MARCHF10: variants seen among roughly 807,000 people sequenced by gnomAD.
MARCHF10 encodes membrane associated ring-CH-type finger 10, also known as probable E3 ubiquitin-protein ligase MARCHF10.
Under a neutral mutation model 76.2 loss-of-function variants are expected in MARCHF10, and 64 were observed. That is an observed-to-expected ratio of 0.84 (90% CI 0.69 to 1.03). The LOEUF is 1.03. MARCHF10 is among the 50% of genes least tolerant of loss of function. The pLI is 0.00. For synonymous variants in MARCHF10, 340 were observed against 357.5 expected, an observed-to-expected ratio of 0.95 and a Z score of 0.55; for missense variants, 875 against 958.0, an observed-to-expected ratio of 0.91 and a Z score of 1.14.
At chr17:62,707,298 C>G (rs1055997781) in intron 9 of MARCHF10, 3 of 152,846 alleles carry the variant, frequency 2.0e-5, no homozygotes, top group African/African-American at 4.8e-5. Context: ...ATTCTCTGCC[C>G]TCCCTGGCCA....
intron 2 of MARCHF10, among the ~76,000 whole-genome samples, chr17:62,798,517 G>C (rs1173986165): frequency 1.3e-5 from 2 of 151,652 alleles, no homozygotes; most frequent in South Asian, 4.2e-4. Context: ...AGGTAGTTAA[G>C]ACTGCAGAAA....
chr17:62,708,848 T>G (rs934961615), intron 9 of MARCHF10, among the ~76,000 whole-genome samples: 1 of 152,142 alleles, frequency 6.6e-6, no homozygotes, highest in Non-Finnish European at 1.5e-5. Context: ...AGGCCTGGCT[T>G]TGCATTCATA....
At chr17:62,805,826 CA>C (rs2093153924) in intron 1 of MARCHF10, among the ~76,000 whole-genome samples, 1 of 151,886 alleles carries the variant, frequency 6.6e-6, no homozygotes, top group African/African-American at 2.4e-5. Context: ...ACAGAAGAAT[CA>C]CTTGAACCTG....
intron 3 of MARCHF10, among the ~76,000 whole-genome samples, chr17:62,785,934 G>A (rs1305041717): frequency 1.3e-5 from 2 of 152,220 alleles, no homozygotes; most frequent in Non-Finnish European, 1.5e-5. Flanking sequence ...TGGTGAGAGT[G>A]TAAATTAGTT....
intron 2 of MARCHF10, among the ~76,000 whole-genome samples, chr17:62,801,396 G>A (rs1348266375): frequency 2.0e-5 from 3 of 150,458 alleles, no homozygotes; most frequent in East Asian, 2.0e-4. Context: ...CTCATGATCC[G>A]CCCGCCTCGG....
At chr17:62,769,358 G>C (rs1253001565) in intron 3 of MARCHF10, among the ~76,000 whole-genome samples, 1 of 152,104 alleles carries the variant, frequency 6.6e-6, no homozygotes, top group Non-Finnish European at 1.5e-5. Context: ...AATGTGCTTT[G>C]CCTATATTGA....
At chr17:62,794,958 A>C in intron 2 of MARCHF10, 7 of 894,224 alleles carry the variant, frequency 7.8e-6, no homozygotes, top group Non-Finnish European at 9.4e-6. Flanking sequence ...AGTTTGAGAT[A>C]GTATTCCCCT....
At chr17:62,716,201 T>C (rs1248350015) in intron 8 of MARCHF10, among the ~76,000 whole-genome samples, 3 of 152,232 alleles carry the variant, frequency 2.0e-5, no homozygotes, top group African/African-American at 4.8e-5. Context: ...GGCTTCAGTC[T>C]TCGCTGCTGG....
intron 6 of MARCHF10, among the ~76,000 whole-genome samples, chr17:62,732,957 C>T (rs1379560280): frequency 2.3e-5 from 3 of 132,554 alleles, no homozygotes; most frequent in Non-Finnish European, 4.6e-5. Flanking sequence ...CACACCACTG[C>T]ACTTCAGCCT....
intron 2 of MARCHF10, among the ~76,000 whole-genome samples, chr17:62,790,280 A>G (rs377201857): frequency 2.0e-5 from 3 of 152,076 alleles, no homozygotes; most frequent in African/African-American, 7.2e-5. Context: ...GGTTCAAGCG[A>G]TTCTCCTGCC....
At chr17:62,739,656 C>T (rs1441487681) in intron 5 of MARCHF10, among the ~76,000 whole-genome samples, 1 of 152,136 alleles carries the variant, frequency 6.6e-6, no homozygotes, top group Non-Finnish European at 1.5e-5. Flanking sequence ...GCTGGGATTA[C>T]AAGTGTGAGC....
chr17:62,800,298 A>C (rs971400691), intron 2 of MARCHF10, among the ~76,000 whole-genome samples: 1 of 152,214 alleles, frequency 6.6e-6, no homozygotes, highest in Non-Finnish European at 1.5e-5. Context: ...TAAAACTATA[A>C]GATTGATTTT....
In MARCHF10 at chr17:62,736,737, G is replaced by A. The variant is rs1357260490; in HGVS notation, c.1131C>T (p.Pro377=). ...TAGCAGATTCCCTATCAGGCAGCCCGGGGTCTTGGGACAACCTTTGCCCAG... is the reference window on the plus strand; with the variant it reads ...TAGCAGATTCCCTATCAGGCAGCCCAGGGTCTTGGGACAACCTTTGCCCAG... ...PSAGQRLSQD[P]GLPDRESATE... The change falls in exon 6 of 11, where the codon CCC becomes CCT. Residue 377 remains proline, a synonymous_variant. Transcript: ENST00000311269. The A allele has an allele frequency of 6.8e-6, 11 of 1,613,772 alleles. No homozygotes were observed. The highest frequency in any genetic ancestry group is 2.2e-5 in the East Asian group (1 of 44,882).
chr17:62,703,345 C>G (rs189573258), intron 10 of MARCHF10: 7 of 152,378 alleles, frequency 4.6e-5, no homozygotes, highest in Non-Finnish European at 1.0e-4. Context: ...GTGCTGCCAA[C>G]CAGGCGAGTC....
intron 4 of MARCHF10, among the ~76,000 whole-genome samples, chr17:62,751,583 C>T (rs546209864): frequency 6.6e-6 from 1 of 152,300 alleles, no homozygotes; most frequent in African/African-American, 2.4e-5. Context: ...GATTCTGATG[C>T]TGTGGGTCAG....
intron 4 of MARCHF10, among the ~76,000 whole-genome samples, chr17:62,745,462 C>T (rs2091670907): frequency 6.6e-6 from 1 of 152,186 alleles, no homozygotes; most frequent in African/African-American, 2.4e-5. Context: ...GCTAGCAACA[C>T]TGTCAAGAGC....
chr17:62,702,704 A>G lies in MARCHF10; in HGVS notation c.2372-946T>C, dbSNP rs185018114. The stretch of plus-strand genomic sequence containing the variant: ...AAAAAAGAAAAAAGAAAAGAAAGAA[A>G]GTTTCTGCCTGTTGTGGAAGAAACT... On this transcript the variant is annotated intron_variant, in intron 10 of 10. Transcript: ENST00000311269. 6.8e-4 allele frequency among the ~76,000 whole-genome samples: 104 copies of G among 152,084 alleles called. 1 individual carries two copies. Among genetic ancestry groups the G allele is most frequent in the South Asian group, 1.0e-3 (5 of 4,820 alleles).
chr17:62,794,772 C>T (rs182784241), intron 2 of MARCHF10, among the ~76,000 whole-genome samples: 97 of 152,324 alleles, frequency 6.4e-4, no homozygotes, highest in African/African-American at 2.3e-3. Flanking sequence ...ATCTGTTCCT[C>T]TATCTCAGGA....
chr17:62,728,435 G>A (rs1035650225), intron 6 of MARCHF10, among the ~76,000 whole-genome samples: 4 of 152,164 alleles, frequency 2.6e-5, no homozygotes, highest in Non-Finnish European at 4.4e-5. Context: ...CGGGGACAGC[G>A]TGCTGGCCAC....
Sources: allele counts gnomAD v4.1 joint callset (sites outside exome capture counted in the v4.1 genomes callset), GRCh38; gene constraint gnomAD v4.1.1; transcripts MANE v1.5; gene names NCBI Gene and HGNC (gene_info 2026-07-23, HGNC 2026-07-21).